Variants in RPH3AL observed in about 807,000 individuals in gnomAD.
RPH3AL encodes rab effector Noc2.
Under a neutral mutation model 43.1 loss-of-function variants are expected in RPH3AL, and 38 were observed. The observed-to-expected ratio is 0.88, with a 90% CI of 0.68 to 1.15. The LOEUF (loss-of-function observed/expected upper bound fraction) is 1.15. RPH3AL is among the 50% of genes most tolerant of loss of function. The pLI is 0.00. For synonymous variants in RPH3AL, 189 were observed against 176.3 expected (o/e 1.07, Z -0.57); for missense variants, 462 against 423.2 (o/e 1.09, Z -0.81).
intron 7 of RPH3AL, among the ~76,000 whole-genome samples, chr17:238,471 C>A (rs1290506482): frequency 6.6e-6 from 1 of 152,212 alleles, no homozygotes; most frequent in Admixed American, 6.5e-5. Flanking sequence ...AGGCAGAGAA[C>A]AACGTCCACC....
At position 328,242 on chromosome 17, in the gene RPH3AL, T is replaced by C. The variant is rs1598141906; in HGVS notation, c.-36-663A>G. Reference sequence around the variant, plus strand: ...CAGGACCCCCTGAGGGCTTCACCTGTGCACTGTCTAGTGTGCCGGCTTTCT... The same window carrying C: ...CAGGACCCCCTGAGGGCTTCACCTGCGCACTGTCTAGTGTGCCGGCTTTCT... On this transcript the variant is annotated intron_variant, in intron 2 of 9. Coordinates refer to ENST00000331302, the MANE Select transcript of RPH3AL (RefSeq NM_006987.4). This position sits in a 1 kb window ranked among gnomAD's most constrained non-coding sequence, Gnocchi z 4.2. 6.6e-6 allele frequency among the ~76,000 whole-genome samples: 1 copy of C among 151,704 alleles called. No homozygotes were observed. The highest frequency in any genetic ancestry group is 1.9e-4 in the East Asian group (1 of 5,146).
At chr17:297,875 C>A (rs2043220943) in intron 5 of RPH3AL, among the ~76,000 whole-genome samples, 1 of 152,214 alleles carries the variant, frequency 6.6e-6, no homozygotes, top group South Asian at 2.1e-4. Context: ...GGGCCCTGGA[C>A]TAGCCAGCGG....
At chr17:305,836 TCTTC>T (rs756672202) in intron 5 of RPH3AL, among the ~76,000 whole-genome samples, 5 of 151,018 alleles carry the variant, frequency 3.3e-5, no homozygotes, top group Non-Finnish European at 5.9e-5. Context: ...CCAGCCCCTT[TCTTC>T]CTTCCCTCCC....
chr17:251,197 C>A (rs556725706), intron 6 of RPH3AL, among the ~76,000 whole-genome samples: 3 of 152,184 alleles, frequency 2.0e-5, no homozygotes, highest in South Asian at 2.1e-4. Context: ...CGTTCTTGAA[C>A]GGCCTGGAAC....
At chr17:343,383 C>T (rs2045167028) in intron 1 of RPH3AL, among the ~76,000 whole-genome samples, 1 of 152,224 alleles carries the variant, frequency 6.6e-6, no homozygotes, top group African/African-American at 2.4e-5. Flanking sequence ...GATGCTGGGA[C>T]TGACAAAGCA....
rs557173645 is a variant in RPH3AL, at chr17:228,376, G to A, written c.614-8640C>T. Among the ~76,000 whole-genome samples, 11 of 152,138 alleles carry A rather than the reference G, an allele frequency of 7.2e-5. No homozygotes were observed. In the South Asian group the frequency reaches 1.0e-3, roughly 14 times the overall value. On this transcript the variant is annotated intron_variant, in intron 7 of 9. Coordinates refer to ENST00000331302, the MANE Select transcript of RPH3AL (RefSeq NM_006987.4). The stretch of plus-strand genomic sequence containing the variant: ...TACCTCTCTGTGTGCTCAGGGGCTC[G>A]CCTGCGGAGAGGGGGATGGGGACTC...
In RPH3AL at chr17:283,654, A is replaced by G. The variant is rs1320780647; in HGVS notation, c.352-1800T>C. 6.6e-6 allele frequency among the ~76,000 whole-genome samples: 1 copy of G among 151,890 alleles called. No individual in the cohort carries two copies. The highest frequency in any genetic ancestry group is 1.5e-5 in the Non-Finnish European group (1 of 67,954). ...TGGCCTTCTTGCTTCCCAAGCTCTC[A>G]TGACCCCATGAGAGGGAGTGGGAGC... is the stretch of plus-strand genomic sequence containing the variant. On this transcript the variant is annotated intron_variant, in intron 5 of 9. Coordinates refer to ENST00000331302, the MANE Select transcript of RPH3AL (RefSeq NM_006987.4). This position sits in a 1 kb window ranked among gnomAD's most constrained non-coding sequence, Gnocchi z 4.2.
intron 7 of RPH3AL, 96 bp from the exon 8 acceptor site, chr17:219,832 C>A (rs185367005): frequency 3.2e-5 from 28 of 870,198 alleles, no homozygotes; most frequent in Non-Finnish European, 4.8e-5. Flanking sequence ...CAGCTCATTA[C>A]CACGTGGCGT....
Position 245,554 on chromosome 17 carries a change from C to T in RPH3AL, c.613+1557G>A, listed in dbSNP as rs1555539609. Among the ~76,000 whole-genome samples, 1 of 152,000 alleles carries T rather than the reference C, an allele frequency of 6.6e-6. No individual in the cohort carries two copies. The highest frequency in any genetic ancestry group is 2.4e-5 in the African/African-American group (1 of 41,350). On this transcript the variant is annotated intron_variant, in intron 7 of 9. Transcript: ENST00000331302. This position sits in a 1 kb window ranked among gnomAD's most constrained non-coding sequence, Gnocchi z 5.9. ...AAGTGGGGCATAGGCCACAGCTGCC[C>T]CCATAGGCCTTCAGCCTCTCCGGCT... is the stretch of plus-strand genomic sequence containing the variant.
intron 1 of RPH3AL, among the ~76,000 whole-genome samples, chr17:336,469 C>T (rs557707228): frequency 7.2e-5 from 11 of 152,312 alleles, no homozygotes; most frequent in Non-Finnish European, 1.5e-4. Flanking sequence ...CCACCGCCCC[C>T]GGGCACCCTG....
At chr17:217,273 T>C (rs1187591376) in intron 8 of RPH3AL, among the ~76,000 whole-genome samples, 2 of 132,762 alleles carry the variant, frequency 1.5e-5, no homozygotes, top group African/African-American at 2.8e-5. Flanking sequence ...TGCACTAAAA[T>C]TGGCCTCGCT....
chr17:316,999 C>T (rs538794532), intron 5 of RPH3AL, among the ~76,000 whole-genome samples: 10 of 151,356 alleles, frequency 6.6e-5, no homozygotes, highest in South Asian at 2.1e-4. Context: ...TGTGACCCCA[C>T]CTCCATTGAC....
chr17:332,977 A>G, intron 2 of RPH3AL: 1 of 1,273,808 alleles, frequency 7.9e-7, no homozygotes, highest in Non-Finnish European at 1.0e-6. Context: ...AATTTCCCGA[A>G]AAATTCCTAG....
At chr17:338,632 C>T (rs1042930242) in intron 1 of RPH3AL, 1 of 152,188 alleles carries the variant, frequency 6.6e-6, no homozygotes, top group African/African-American at 2.4e-5. Flanking sequence ...GGGCACCTGG[C>T]TTGGGACGGG....
rs1164438552 is a variant in RPH3AL, at chr17:344,930, C to T, written c.-213+7782G>A. On this transcript the variant is annotated intron_variant, in intron 1 of 9. Coordinates refer to ENST00000331302, the MANE Select transcript of RPH3AL (RefSeq NM_006987.4). ...TGTATATACTGGGAAGAGGAATCAG[C>T]ATGAGGGGAAAGGCCACCTGGCCTT... 5.9e-5 allele frequency among the ~76,000 whole-genome samples: 8 copies of T among 135,736 alleles called. 2 individuals carry two copies. The highest frequency in any genetic ancestry group is 2.0e-4 in the African/African-American group (8 of 39,584). 89.0% of individuals were successfully genotyped at this position (135,736 alleles called of 152,430 possible).
intron 5 of RPH3AL, among the ~76,000 whole-genome samples, chr17:285,446 C>A (rs73278949): frequency 0.13 from 20,436 of 152,140 alleles, 1,509 homozygotes; most frequent in East Asian, 0.21. Context: ...GCAACCAGCA[C>A]GTAATAGCGA....
At chr17:244,470 G>A (rs997583271) in intron 7 of RPH3AL, among the ~76,000 whole-genome samples, 5 of 152,056 alleles carry the variant, frequency 3.3e-5, no homozygotes, top group Admixed American at 2.6e-4. Context: ...AACTGGAGGT[G>A]GGCAAAGAGG....
chr17:334,745 A>C (rs1598156001), intron 1 of RPH3AL, among the ~76,000 whole-genome samples: 2 of 79,810 alleles, frequency 2.5e-5, no homozygotes, highest in Non-Finnish European at 5.2e-5. Flanking sequence ...CCTTCTCCCC[A>C]CGCCTTCCCC....
At position 289,666 on chromosome 17, in the gene RPH3AL, T is replaced by C. The variant is rs2043001249; in HGVS notation, c.352-7812A>G. ...CTTCATACGGCATTCGGGCCGGCCC[T>C]GCCTCCTGCTCTACTTCCTCAGCCC... is the stretch of plus-strand genomic sequence containing the variant. On this transcript the variant is annotated intron_variant, in intron 5 of 9. Coordinates refer to ENST00000331302, the MANE Select transcript of RPH3AL (RefSeq NM_006987.4). This position sits in a 1 kb window ranked among gnomAD's most constrained non-coding sequence, Gnocchi z 5.2. 6.6e-6 allele frequency among the ~76,000 whole-genome samples: 1 copy of C among 152,320 alleles called. No individual in the cohort carries two copies. Among genetic ancestry groups the C allele is most frequent in the Admixed American group, 6.5e-5 (1 of 15,300 alleles).
Sources: gnomAD v4.1 joint callset for allele counts (sites outside exome capture counted in the v4.1 genomes callset) on GRCh38, gnomAD v4.1.1 for gene constraint, Gnocchi (gnomAD v3.1) non-coding constraint, MANE v1.5 for transcripts, NCBI Gene and HGNC (gene_info 2026-07-23, HGNC 2026-07-21) for gene names.